Variants in USP32 observed in about 807,000 individuals in gnomAD.
USP32 encodes ubiquitin specific peptidase 32.
In USP32, 59 loss-of-function variants were observed where a neutral mutation model predicts 204.8. That is an observed-to-expected ratio of 0.29 (90% CI 0.23 to 0.36). USP32 has a LOEUF of 0.36. Among genes scored for constraint, USP32 ranks in the 10% least tolerant of loss-of-function variants. USP32 has a pLI of 1.00. For synonymous variants in USP32, 517 were observed against 678.4 expected, an observed-to-expected ratio of 0.76 and a Z score of 3.70; for missense variants, 1,160 against 1,946.4, an observed-to-expected ratio of 0.60 and a Z score of 7.60.
In USP32 at chr17:60,344,508, G is replaced by A. The variant is rs189462205; in HGVS notation, c.186+973C>T. On this transcript the variant is annotated intron_variant, in intron 2 of 33. Coordinates refer to ENST00000300896, the MANE Select transcript of USP32 (RefSeq NM_032582.4). ...ACTGTCACCCAGGCTGGAGTGCAGTGGTGCAATCATAGCTCACTCTAGCCT... is the reference window on the plus strand; with the variant it reads ...ACTGTCACCCAGGCTGGAGTGCAGTAGTGCAATCATAGCTCACTCTAGCCT... 2.6e-5 allele frequency among the ~76,000 whole-genome samples: 4 copies of A among 152,168 alleles called. 1 individual carries two copies. Among genetic ancestry groups the A allele is most frequent in the Admixed American group, 2.6e-4 (4 of 15,286 alleles).
At chr17:60,290,148 C>A (rs1015892470) in intron 4 of USP32, among the ~76,000 whole-genome samples, 1 of 152,168 alleles carries the variant, frequency 6.6e-6, no homozygotes, top group Non-Finnish European at 1.5e-5. Flanking sequence ...GTAAGTCCAG[C>A]TGCTGAGATG....
chr17:60,208,939 T>A, intron 22 of USP32, 111 bp from the exon 23 acceptor site: 2 of 1,073,736 alleles, frequency 1.9e-6, no homozygotes, highest in Non-Finnish European at 2.6e-6. Flanking sequence ...AAGAATATAA[T>A]CCTTACTCTT....
chr17:60,334,121 C>T (rs1326820978), intron 2 of USP32, among the ~76,000 whole-genome samples: 1 of 152,140 alleles, frequency 6.6e-6, no homozygotes, highest in Non-Finnish European at 1.5e-5. Context: ...CGAATACTTA[C>T]AGTACTTGAG....
chr17:60,342,323 A>C (rs1336459305), intron 2 of USP32, among the ~76,000 whole-genome samples: 1 of 152,146 alleles, frequency 6.6e-6, no homozygotes, highest in Non-Finnish European at 1.5e-5. Context: ...GCACCTGCCT[A>C]TATGAGGTGT....
At chr17:60,180,087 G>A (rs572783585) in intron 33 of USP32, among the ~76,000 whole-genome samples, 24 of 151,454 alleles carry the variant, frequency 1.6e-4, no homozygotes, top group Admixed American at 5.2e-4. Flanking sequence ...GTGCAGTGGC[G>A]CAGTCTTGGC....
At chr17:60,279,646 G>A (rs939883264) in intron 5 of USP32, among the ~76,000 whole-genome samples, 25 of 151,858 alleles carry the variant, frequency 1.6e-4, no homozygotes, top group South Asian at 8.3e-4. Flanking sequence ...AGGCCAGCCC[G>A]GGCAACATGG....
intron 1 of USP32, among the ~76,000 whole-genome samples, chr17:60,368,357 T>A (rs534521102): frequency 6.6e-6 from 1 of 152,192 alleles, no homozygotes; most frequent in South Asian, 2.1e-4. Context: ...ATGTAGTAAA[T>A]ATTTTCACTT....
intron 1 of USP32, among the ~76,000 whole-genome samples, chr17:60,390,972 T>C (rs1329036569): frequency 6.6e-6 from 1 of 152,168 alleles, no homozygotes; most frequent in Non-Finnish European, 1.5e-5. Context: ...CACTTCCAGT[T>C]AGTGTGTGCT....
Position 60,205,303 on chromosome 17 carries a change from A to G in USP32, c.3249+144T>C, listed in dbSNP as rs189314994. ...GGACAGGATAAAAAAGTAAAAAAAT[A>G]AAATTTGTAAAATTATTAAATTTTA... is the stretch of plus-strand genomic sequence containing the variant. On this transcript the variant is annotated intron_variant, in intron 26 of 33. Coordinates refer to ENST00000300896, the MANE Select transcript of USP32 (RefSeq NM_032582.4). 41 of 1,342,372 alleles carry G rather than the reference A, an allele frequency of 3.1e-5. No individual in the cohort carries two copies. In the African/African-American group the frequency reaches 5.4e-4, roughly 18 times the overall value. 83.2% of individuals were successfully genotyped at this position (1,342,372 alleles called of 1,614,324 possible).
At chr17:60,232,008 CT>C (rs1567787842) in intron 12 of USP32, among the ~76,000 whole-genome samples, 1 of 152,030 alleles carries the variant, frequency 6.6e-6, no homozygotes, top group Non-Finnish European at 1.5e-5. Context: ...TCCATTTAGT[CT>C]TGCCAGTATT....
intron 26 of USP32, among the ~76,000 whole-genome samples, chr17:60,205,196 G>A (rs2145479330): frequency 6.6e-6 from 1 of 152,262 alleles, no homozygotes; most frequent in Admixed American, 6.5e-5. Flanking sequence ...TAGCCACCAT[G>A]AGTAATACTA....
At chr17:60,405,798 G>A (rs1283833467) in intron 1 of USP32, among the ~76,000 whole-genome samples, 3 of 151,878 alleles carry the variant, frequency 2.0e-5, no homozygotes, top group Non-Finnish European at 4.4e-5. Context: ...TAAATAAAAG[G>A]CACCTCAGGG....
At chr17:60,282,081 A>C (rs997908720) in intron 5 of USP32, among the ~76,000 whole-genome samples, 1 of 152,246 alleles carries the variant, frequency 6.6e-6, no homozygotes, top group African/African-American at 2.4e-5. Context: ...AGAAAACAGC[A>C]TAATATTTCT....
intron 5 of USP32, among the ~76,000 whole-genome samples, chr17:60,287,856 A>G (rs562520692): frequency 7.9e-5 from 12 of 151,898 alleles, no homozygotes; most frequent in Non-Finnish European, 1.6e-4. Context: ...GCTCACGCCT[A>G]TAATTCCAGC....
intron 5 of USP32, among the ~76,000 whole-genome samples, chr17:60,283,684 T>C (rs1319793729): frequency 6.6e-6 from 1 of 152,074 alleles, no homozygotes; most frequent in Non-Finnish European, 1.5e-5. Context: ...TTTTTTTTTT[T>C]TAATACCTTT....
intron 1 of USP32, among the ~76,000 whole-genome samples, chr17:60,373,533 T>A (rs1196179195): frequency 2.1e-5 from 3 of 140,972 alleles, no homozygotes; most frequent in African/African-American, 9.3e-5. Flanking sequence ...AACCTGCACC[T>A]CCTGGGTTCA....
chr17:60,401,213 T>TG (rs1567897005), intron 1 of USP32, among the ~76,000 whole-genome samples: 1 of 148,168 alleles, frequency 6.7e-6, no homozygotes. Context: ...CCCAGCACTT[T>TG]GGGGGGCCAA....
intron 2 of USP32, among the ~76,000 whole-genome samples, chr17:60,339,687 T>C (rs1380759915): frequency 1.3e-5 from 2 of 151,870 alleles, no homozygotes; most frequent in Non-Finnish European, 2.9e-5. Flanking sequence ...GAAGTAAAAA[T>C]TGGAGCTCCA....
rs1198471116 is a variant in USP32, at chr17:60,265,446, A to G, written c.956T>C (p.Val319Ala). The change falls in exon 9 of 34, where the codon GTA becomes GCA. Residue 319 changes from valine (V) to alanine (A), a missense_variant. By Grantham distance (64) the Val-to-Ala change is moderately conservative. Coordinates refer to ENST00000300896, the MANE Select transcript of USP32 (RefSeq NM_032582.4). ...GTCATGTGCATTCAGTATGCCTTCT[A>G]CAATATCAGAGAGATCCATATGTAA... ...PELHMDLSDI[V>A]EGILNAHDTT... The G allele has an allele frequency of 1.2e-6, 2 of 1,606,208 alleles. No individual in the cohort carries two copies. The highest frequency in any genetic ancestry group is 8.5e-7 in the Non-Finnish European group (1 of 1,173,998).
Sources: gnomAD v4.1 joint callset for allele counts (sites outside exome capture counted in the v4.1 genomes callset) on GRCh38, gnomAD v4.1.1 for gene constraint, MANE v1.5 for transcripts, NCBI Gene and HGNC (gene_info 2026-07-23, HGNC 2026-07-21) for gene names.